Variants in NRXN1 observed in about 807,000 individuals in gnomAD.
The protein encoded by NRXN1 is neurexin-1.
In NRXN1, 39 loss-of-function variants were observed where a neutral mutation model predicts 150.9. That is an observed-to-expected ratio of 0.26 (90% CI 0.20 to 0.34). NRXN1 has a LOEUF of 0.34. NRXN1 is among the 10% of genes least tolerant of loss of function. The pLI is 1.00. For synonymous variants in NRXN1, 924 were observed against 757.0 expected (o/e 1.22, Z -3.62); for missense variants, 1,815 against 1,949.9 (o/e 0.93, Z 1.30).
At chr2:50,126,246 C>T (rs984008228) in intron 18 of NRXN1, among the ~76,000 whole-genome samples, 6 of 151,960 alleles carry the variant, frequency 3.9e-5, no homozygotes, top group African/African-American at 1.4e-4. Context: ...TTTGACTGAC[C>T]CTGAATAAAT....
At chr2:50,320,038 T>C (rs1429358690) in intron 17 of NRXN1, among the ~76,000 whole-genome samples, 1 of 151,516 alleles carries the variant, frequency 6.6e-6, no homozygotes, top group Non-Finnish European at 1.5e-5. Flanking sequence ...AAACCTAACA[T>C]TTCCCTAACT....
At chr2:50,829,349 A>G in intron 5 of NRXN1, 1 of 799,072 alleles carries the variant, frequency 1.3e-6, no homozygotes, top group South Asian at 1.7e-5. Context: ...AGGACAGTCA[A>G]ACTCCCAAAC....
chr2:50,812,928 A>G (rs1668428635), intron 5 of NRXN1, among the ~76,000 whole-genome samples: 1 of 152,118 alleles, frequency 6.6e-6, no homozygotes, highest in African/African-American at 2.4e-5. Flanking sequence ...AGCTGTCGCA[A>G]TAACATATAG....
intron 5 of NRXN1, among the ~76,000 whole-genome samples, chr2:50,874,377 G>A (rs1465026123): frequency 6.6e-6 from 1 of 151,676 alleles, no homozygotes; most frequent in African/African-American, 2.4e-5. Context: ...CAACCACACT[G>A]TTTTAAAATG....
At chr2:50,070,733 G>C (rs1696144118) in intron 19 of NRXN1, among the ~76,000 whole-genome samples, 1 of 135,018 alleles carries the variant, frequency 7.4e-6, no homozygotes, top group Non-Finnish European at 1.5e-5. Flanking sequence ...TCCCGCCACT[G>C]CACTCCAGCC....
At chr2:50,336,565 G>A (rs2077204435) in intron 17 of NRXN1, among the ~76,000 whole-genome samples, 1 of 152,208 alleles carries the variant, frequency 6.6e-6, no homozygotes, top group Non-Finnish European at 1.5e-5. Flanking sequence ...TCTCAGGAGA[G>A]TATAATCATA....
At chr2:50,762,612 T>C (rs1187105755) in intron 5 of NRXN1, among the ~76,000 whole-genome samples, 2 of 152,010 alleles carry the variant, frequency 1.3e-5, no homozygotes, top group Admixed American at 1.3e-4. Context: ...TGTTGCTGCA[T>C]TTATTCACTT....
At chr2:50,539,524 G>GA (rs56704663) in intron 9 of NRXN1, among the ~76,000 whole-genome samples, 7,353 of 150,746 alleles carry the variant, frequency 0.049, 547 homozygotes, top group African/African-American at 0.17. Flanking sequence ...TGGAATCTAT[G>GA]AAAAAAAAAG....
chr2:50,260,107 TAACA>T (rs1157406705), intron 17 of NRXN1, among the ~76,000 whole-genome samples: 1 of 151,872 alleles, frequency 6.6e-6, no homozygotes, highest in African/African-American at 2.4e-5. Context: ...AGCATTTCCC[TAACA>T]AACAACTCTA....
chr2:50,906,415 A>G (rs181266774), intron 5 of NRXN1, among the ~76,000 whole-genome samples: 2 of 152,174 alleles, frequency 1.3e-5, no homozygotes, highest in African/African-American at 4.8e-5. Context: ...TAACTAATCA[A>G]CCAACAAACC....
At chr2:50,120,017 A>G (rs999865077) in intron 18 of NRXN1, among the ~76,000 whole-genome samples, 3 of 152,180 alleles carry the variant, frequency 2.0e-5, no homozygotes, top group Non-Finnish European at 2.9e-5. Flanking sequence ...GTTGTTCTGG[A>G]CTTCAGCAAA....
At chr2:50,842,734 A>G (rs1252637248) in intron 5 of NRXN1, among the ~76,000 whole-genome samples, 4 of 152,196 alleles carry the variant, frequency 2.6e-5, no homozygotes, top group African/African-American at 9.7e-5. Flanking sequence ...TGTTCATGGG[A>G]TGACTTTTCA....
intron 18 of NRXN1, among the ~76,000 whole-genome samples, chr2:50,188,987 T>C (rs1055542323): frequency 6.6e-6 from 1 of 152,196 alleles, no homozygotes; most frequent in African/African-American, 2.4e-5. Context: ...GAGCCAGAAA[T>C]ATCATTTGAC....
intron 2 of NRXN1, among the ~76,000 whole-genome samples, chr2:50,967,750 G>A (rs1203389368): frequency 6.6e-6 from 1 of 151,894 alleles, no homozygotes; most frequent in Non-Finnish European, 1.5e-5. Flanking sequence ...TTACCTCTGT[G>A]CATTTTGCAC....
At chr2:50,728,939 A>G (rs1697739506) in intron 5 of NRXN1, among the ~76,000 whole-genome samples, 1 of 152,158 alleles carries the variant, frequency 6.6e-6, no homozygotes. Context: ...TGTTGAACAC[A>G]CTGTGCTGGA....
At chr2:50,750,541 T>C (rs976694817) in intron 5 of NRXN1, among the ~76,000 whole-genome samples, 1 of 152,010 alleles carries the variant, frequency 6.6e-6, no homozygotes, top group Non-Finnish European at 1.5e-5. Flanking sequence ...TGTATACATA[T>C]GTAACAAACC....
chr2:50,185,298 T>C (rs1221070270), intron 18 of NRXN1, among the ~76,000 whole-genome samples: 1 of 152,090 alleles, frequency 6.6e-6, no homozygotes, highest in African/African-American at 2.4e-5. Flanking sequence ...AGAGGCAGTA[T>C]AGAATGGTGT....
chr2:50,814,533 G>A (rs1194288962), intron 5 of NRXN1, among the ~76,000 whole-genome samples: 2 of 152,046 alleles, frequency 1.3e-5, no homozygotes, highest in Non-Finnish European at 1.5e-5. Flanking sequence ...GAAGAACCCT[G>A]GGGAACAATT....
intron 5 of NRXN1, among the ~76,000 whole-genome samples, chr2:50,637,840 G>C (rs867746026): frequency 2.0e-5 from 3 of 151,484 alleles, no homozygotes; most frequent in African/African-American, 7.3e-5. Flanking sequence ...TTAACACCTG[G>C]TATGGTCCAC....
Sources: allele counts gnomAD v4.1 joint callset (sites outside exome capture counted in the v4.1 genomes callset), GRCh38; gene constraint gnomAD v4.1.1; transcripts MANE v1.5; gene names NCBI Gene and HGNC (gene_info 2026-07-23, HGNC 2026-07-21).